ZNF723: variants seen among roughly 807,000 people sequenced by gnomAD.
ZNF723 encodes zinc finger protein 723, pseudogene.
In ZNF723, 5 loss-of-function variants were observed where a neutral mutation model predicts 9.4. The ratio of observed to expected loss-of-function variants is 0.53; its 90% CI spans 0.28 to 1.12. ZNF723 has a LOEUF of 1.12. ZNF723 is among the 50% of genes most tolerant of loss of function. The probability of loss-of-function intolerance (pLI) is 0.10; values close to 1 mark genes in which losing one functional copy is unlikely to be tolerated. For missense variants in ZNF723, 450 were observed against 501.5 expected, an observed-to-expected ratio of 0.90 and a Z score of 0.98; for synonymous variants, 158 against 168.8, an observed-to-expected ratio of 0.94 and a Z score of 0.49.
At position 22,835,257 on chromosome 19, in the gene ZNF723, G is replaced by A. The variant is rs532475677; in HGVS notation, c.3+2875G>A. Among the ~76,000 whole-genome samples the A allele has an allele frequency of 7.9e-5, 12 of 151,976 alleles. No individual in the cohort carries two copies. In the South Asian group the frequency reaches 2.3e-3, roughly 29 times the overall value. On this transcript the variant is annotated intron_variant, in intron 1 of 3. Transcript: ENST00000600766. ...GGGTTTCACCACGTTGGCCAGGCTG[G>A]TCCTGAACTCCTGACCTCAGGTAAT...
chr19:22,858,026 A>T lies in ZNF723; in HGVS notation c.1135A>T (p.Lys379Ter). The T allele has an allele frequency of 6.5e-7, 1 of 1,536,220 alleles. No homozygotes were observed. The highest frequency in any genetic ancestry group is 9.0e-7 in the Non-Finnish European group (1 of 1,110,406). ...ATGTGAAGAATGTGGCAAAGCTTTT[A>T]AAGTATCTGTACACCTTACTACACA... ...YKCEECGKAF[K>*]VSVHLTTHKR... is the part of the protein sequence containing the mutation. The change falls in exon 4 of 4, where the codon AAA (lysine) becomes TAA (stop). Residue 379 changes from lysine to a stop codon, truncating the protein, a stop_gained. Transcript: ENST00000600766. LOFTEE classifies it low-confidence loss of function (END_TRUNC).
At chr19:22,832,634 C>T (rs1967112021) in intron 1 of ZNF723, among the ~76,000 whole-genome samples, 1 of 152,170 alleles carries the variant, frequency 6.6e-6, no homozygotes, top group South Asian at 2.1e-4. Flanking sequence ...AGCTCTGCAC[C>T]CGCAGCGCCG....
chr19:22,834,476 C>T (rs897975448), intron 1 of ZNF723, among the ~76,000 whole-genome samples: 4 of 151,500 alleles, frequency 2.6e-5, no homozygotes, highest in African/African-American at 9.7e-5. Flanking sequence ...TCCGCAGTCA[C>T]CATTTAGTGT....
intron 3 of ZNF723, among the ~76,000 whole-genome samples, chr19:22,851,957 T>G (rs1303941902): frequency 6.6e-6 from 1 of 152,074 alleles, no homozygotes; most frequent in African/African-American, 2.4e-5. Context: ...TGGCTAATTT[T>G]TTTGTATTTT....
chr19:22,843,960 CAG>C (rs1282205960), intron 1 of ZNF723, among the ~76,000 whole-genome samples: 1 of 152,126 alleles, frequency 6.6e-6, no homozygotes, highest in African/African-American at 2.4e-5. Flanking sequence ...GCACAGAGAA[CAG>C]AATTCTACAT....
At chr19:22,827,483 T>C (rs1967049697), upstream of ZNF723, among the ~76,000 whole-genome samples, 1 of 151,962 alleles carries the variant, frequency 6.6e-6, no homozygotes, top group Admixed American at 6.6e-5. Context: ...AGTCTTGCTC[T>C]GTAGCTCAGG....
the ZNF723 span, among the ~76,000 whole-genome samples, chr19:22,817,249 C>A: frequency 1.3e-5 from 2 of 152,156 alleles, no homozygotes; most frequent in African/African-American, 2.4e-5. Context: ...TGTGAAATAT[C>A]ACTGGACCCG....
At chr19:22,842,565 G>A (rs1599474903) in intron 1 of ZNF723, among the ~76,000 whole-genome samples, 1 of 151,726 alleles carries the variant, frequency 6.6e-6, no homozygotes, top group East Asian at 1.9e-4. Context: ...TAGATGACAG[G>A]CAACTTGAAG....
the ZNF723 span, among the ~76,000 whole-genome samples, chr19:22,824,645 C>G: frequency 2.6e-4 from 39 of 152,292 alleles, no homozygotes; most frequent in South Asian, 5.2e-3. Flanking sequence ...CATAACAAAG[C>G]CCAGCACACA....
intron 3 of ZNF723, among the ~76,000 whole-genome samples, chr19:22,852,756 C>T (rs1330072548): frequency 6.6e-6 from 1 of 152,028 alleles, no homozygotes; most frequent in East Asian, 1.9e-4. Context: ...TGCAACATAT[C>T]CCTAGAATGT....
intron 1 of ZNF723, among the ~76,000 whole-genome samples, chr19:22,835,481 A>G (rs1967155292): frequency 6.6e-6 from 1 of 152,154 alleles, no homozygotes; most frequent in African/African-American, 2.4e-5. Flanking sequence ...TGAGTTTCAA[A>G]ATATATTCCA....
intron 1 of ZNF723, among the ~76,000 whole-genome samples, chr19:22,844,793 G>T (rs1461258966): frequency 1.3e-5 from 2 of 152,156 alleles, no homozygotes; most frequent in African/African-American, 4.8e-5. Flanking sequence ...GAGCCCAGGG[G>T]GAGCATCATC....
At chr19:22,840,687 T>C (rs377462711) in intron 1 of ZNF723, 28 of 152,378 alleles carry the variant, frequency 1.8e-4, no homozygotes, top group African/African-American at 6.0e-4. Flanking sequence ...GTGAATTCTT[T>C]GGGTTTCTGT....
chr19:22,822,637 C>A, the ZNF723 span, among the ~76,000 whole-genome samples: 5 of 151,238 alleles, frequency 3.3e-5, no homozygotes, highest in African/African-American at 9.7e-5. Context: ...CCGAGGCAGG[C>A]GGATCACGAG....
the ZNF723 span, among the ~76,000 whole-genome samples, chr19:22,826,310 C>T: frequency 2.6e-5 from 4 of 151,676 alleles, no homozygotes; most frequent in South Asian, 2.1e-4. Flanking sequence ...TACCTATGCC[C>T]GGCTAACAGG....
chr19:22,857,899 T>C lies in ZNF723; in HGVS notation c.1008T>C (p.Thr336=). The stretch of plus-strand genomic sequence containing the variant: ...TTGCTACACATAAGAGAATTCATAC[T>C]GGAGAGAAACTCTACAAATGTGAAG... The part of the protein sequence containing the change: ...SHLATHKRIH[T]GEKLYKCEEC... Residue 336 remains threonine, a synonymous_variant, in exon 4 of 4, where the codon ACT becomes ACC. Transcript: ENST00000600766. 3 of 1,435,878 alleles carry C rather than the reference T, an allele frequency of 2.1e-6. No individual in the cohort carries two copies. The South Asian group carries it at 3.4e-5, about 16-fold the overall frequency. 88.9% of individuals were successfully genotyped at this position (1,435,878 alleles called of 1,614,324 possible). A position where few individuals can be genotyped will look rare whatever the true frequency, so the allele number is the denominator to read the frequency against.
intron 1 of ZNF723, among the ~76,000 whole-genome samples, chr19:22,842,332 C>A (rs1285758216): frequency 6.6e-6 from 1 of 152,086 alleles, no homozygotes; most frequent in African/African-American, 2.4e-5. Flanking sequence ...TTTTTAATCT[C>A]TTAAAACTGT....
intron 1 of ZNF723, among the ~76,000 whole-genome samples, chr19:22,833,327 A>G (rs1568402306): frequency 6.6e-6 from 1 of 151,690 alleles, no homozygotes; most frequent in Non-Finnish European, 1.5e-5. Flanking sequence ...TAATTTTTGT[A>G]TTTTTGGTAG....
At chr19:22,851,153 C>CTATTTATTTATTTATT (rs145875284) in intron 3 of ZNF723, among the ~76,000 whole-genome samples, 7 of 150,910 alleles carry the variant, frequency 4.6e-5, no homozygotes, top group Non-Finnish European at 7.4e-5. Context: ...TAACAGAGAG[C>CTATTTATTTATTTATT]TATTTATTTA....
Sources: gnomAD v4.1 joint callset for allele counts (sites outside exome capture counted in the v4.1 genomes callset) on GRCh38, gnomAD v4.1.1 for gene constraint, MANE v1.5 for transcripts, NCBI Gene and HGNC (gene_info 2026-07-23, HGNC 2026-07-21) for gene names.